OCLN: variants seen among roughly 807,000 people sequenced by gnomAD.
The protein encoded by OCLN is occludin.
In OCLN, 21 loss-of-function variants were observed where a neutral mutation model predicts 47.9. The observed-to-expected ratio is 0.44, with a 90% CI of 0.31 to 0.63. The LOEUF is 0.63. Ranked by LOEUF, OCLN falls within the 30% of genes least tolerant of loss-of-function variation. The pLI is 0.08. For missense variants in OCLN, 360 were observed against 571.0 expected, an observed-to-expected ratio of 0.63 and a Z score of 3.77; for synonymous variants, 117 against 198.4, an observed-to-expected ratio of 0.59 and a Z score of 3.45.
chr5:69,497,924 A>T (rs1392845935), intron 1 of OCLN, among the ~76,000 whole-genome samples: 2 of 151,936 alleles, frequency 1.3e-5, no homozygotes, highest in African/African-American at 4.8e-5. Context: ...CGAGGTCAGG[A>T]GATCGAGACC....
At position 69,493,767 on chromosome 5, in the gene OCLN, G is replaced by A. The variant is rs1768211892; in HGVS notation, c.-69+867G>A. On this transcript the variant is annotated intron_variant, in intron 1 of 8. Transcript: ENST00000396442. This position sits in a 1 kb window ranked among gnomAD's most constrained non-coding sequence, Gnocchi z 5.3. ...GTTTGGGGACCTCCGGGACTGGGCC[G>A]GCCCCGCGCGCCAGCCATGTTGCCT... Among the ~76,000 whole-genome samples, 1 of 152,176 alleles carries A rather than the reference G, an allele frequency of 6.6e-6. No homozygotes were observed.
intron 4 of OCLN, among the ~76,000 whole-genome samples, chr5:69,528,126 T>C (rs1769333218): frequency 6.6e-6 from 1 of 152,188 alleles, no homozygotes; most frequent in Admixed American, 6.5e-5. Context: ...AAGAGAACTT[T>C]CCAGTCGATT....
chr5:69,495,756 T>C (rs1234888537), intron 1 of OCLN, among the ~76,000 whole-genome samples: 1 of 151,716 alleles, frequency 6.6e-6, no homozygotes, highest in East Asian at 1.9e-4. Context: ...GGGAGTTTGC[T>C]CTGAAAAAAA....
intron 4 of OCLN, among the ~76,000 whole-genome samples, chr5:69,526,666 G>T (rs761624152): frequency 9.2e-5 from 14 of 151,686 alleles, no homozygotes; most frequent in Non-Finnish European, 1.3e-4. Flanking sequence ...AGCTGTGAAA[G>T]AAAAAAGTAG....
chr5:69,548,971 A>AT (rs1769782054), intron 7 of OCLN, among the ~76,000 whole-genome samples: 4 of 147,046 alleles, frequency 2.7e-5, no homozygotes, highest in African/African-American at 1.0e-4. Context: ...AAAAATTAAT[A>AT]ATAATAATAA....
chr5:69,533,665 CT>C (rs201460217), intron 4 of OCLN, among the ~76,000 whole-genome samples: 2 of 151,340 alleles, frequency 1.3e-5, no homozygotes, highest in Non-Finnish European at 3.0e-5. Context: ...GGCATAATTT[CT>C]TTTTTTTTGA....
At chr5:69,503,300 A>G (rs955572195) in intron 1 of OCLN, among the ~76,000 whole-genome samples, 3 of 152,166 alleles carry the variant, frequency 2.0e-5, no homozygotes, top group Non-Finnish European at 1.5e-5. Context: ...AGAATCACGA[A>G]CTGGCTCCCT....
At chr5:69,532,428 C>T (rs1011943847) in intron 4 of OCLN, among the ~76,000 whole-genome samples, 2 of 152,296 alleles carry the variant, frequency 1.3e-5, no homozygotes, top group Admixed American at 6.5e-5. Context: ...AAAGCTAGAG[C>T]GGTTCTACCC....
At chr5:69,504,919 C>T (rs1219364387) in intron 2 of OCLN, among the ~76,000 whole-genome samples, 1 of 151,506 alleles carries the variant, frequency 6.6e-6, no homozygotes, top group Non-Finnish European at 1.5e-5. Context: ...CACGCCACTG[C>T]ACTCCAGCCT....
chr5:69,501,456 C>G (rs527881787), intron 1 of OCLN, among the ~76,000 whole-genome samples: 2 of 152,074 alleles, frequency 1.3e-5, no homozygotes, highest in East Asian at 3.9e-4. Context: ...ATGGTGAAAC[C>G]TTATCTCTAC....
At chr5:69,520,419 G>A (rs543597100) in intron 4 of OCLN, among the ~76,000 whole-genome samples, 1 of 151,646 alleles carries the variant, frequency 6.6e-6, no homozygotes, top group African/African-American at 2.4e-5. Context: ...TCCTGCCTCA[G>A]CCTCCCAAGT....
At chr5:69,531,873 T>C (rs1769441044) in intron 4 of OCLN, among the ~76,000 whole-genome samples, 1 of 152,216 alleles carries the variant, frequency 6.6e-6, no homozygotes, top group African/African-American at 2.4e-5. Flanking sequence ...AAACTTAAGA[T>C]GTAAGGAATA....
At chr5:69,521,751 C>G (rs1580571259) in intron 4 of OCLN, among the ~76,000 whole-genome samples, 1 of 152,148 alleles carries the variant, frequency 6.6e-6, no homozygotes, top group Non-Finnish European at 1.5e-5. Flanking sequence ...TTTTTCTGTT[C>G]TGGTTATTAT....
At chr5:69,500,293 C>T (rs1316402566) in intron 1 of OCLN, among the ~76,000 whole-genome samples, 2 of 152,058 alleles carry the variant, frequency 1.3e-5, no homozygotes, top group Non-Finnish European at 2.9e-5. Flanking sequence ...CTCTGCATTC[C>T]CTGAAGAGGA....
Position 69,513,942 on chromosome 5 carries a change from T to G in OCLN, c.730-6T>G. 6.2e-7 allele frequency: 1 copy of G among 1,611,816 alleles called. No individual in the cohort carries two copies. Among genetic ancestry groups the G allele is most frequent in the South Asian group, 1.1e-5 (1 of 91,060 alleles). On this transcript the variant is annotated splice_region_variant and splice_polypyrimidine_tract_variant and intron_variant, in intron 3 of 8. Coordinates refer to ENST00000396442, the MANE Select transcript of OCLN (RefSeq NM_001205254.2). ...AATTATGCCAATATTTTCCACTCCT[T>G]TTTAGGCCATTGCCATTGTACTGGG...
At chr5:69,518,998 C>T (rs975353768) in intron 4 of OCLN, among the ~76,000 whole-genome samples, 4 of 152,048 alleles carry the variant, frequency 2.6e-5, no homozygotes, top group African/African-American at 9.7e-5. Flanking sequence ...ATTAGCCGGA[C>T]GTGGGCACAG....
chr5:69,513,924 C>G, intron 3 of OCLN, 24 bp from the exon 4 acceptor site: 1 of 1,595,850 alleles, frequency 6.3e-7, no homozygotes, highest in African/African-American at 1.3e-5. Flanking sequence ...TCTAATTATG[C>G]CAATATTTTC....
Position 69,509,335 on chromosome 5 carries a change from G to C in OCLN, c.245G>C (p.Cys82Ser). The C allele has an allele frequency of 6.2e-7, 1 of 1,614,194 alleles. No individual in the cohort carries two copies. Among genetic ancestry groups the C allele is most frequent in the Non-Finnish European group, 8.5e-7 (1 of 1,180,042 alleles). ...GTGATGTGCATTGCCATCTTTGCCT[G>C]TGTGGCCTCCACGCTTGCCTGGGAC... ...IIVMCIAIFA[C>S]VASTLAWDRG... The change falls in exon 3 of 9, where the codon TGT (cysteine) becomes TCT (serine). Residue 82 changes from cysteine (C) to serine (S), a missense_variant. By Grantham distance (112) the Cys-to-Ser change is moderately radical. Coordinates refer to ENST00000396442, the MANE Select transcript of OCLN (RefSeq NM_001205254.2).
At position 69,509,550 on chromosome 5, in the gene OCLN, G is replaced by T; in HGVS notation, c.460G>T (p.Val154Leu). The T allele has an allele frequency of 6.2e-7, 1 of 1,614,140 alleles. No homozygotes were observed. The highest frequency in any genetic ancestry group is 8.5e-7 in the Non-Finnish European group (1 of 1,180,020). The stretch of plus-strand genomic sequence containing the variant: ...TGCCTTTTGTTTCATTGCCGCGTTG[G>T]TGATCTTTGTTACCAGTGTTATAAG... ...MAAFCFIAAL[V>L]IFVTSVIRSE... Residue 154 changes from valine to leucine, a missense_variant, in exon 3 of 9, where the codon GTG becomes TTG. This residue lies in a region of OCLN where 314 missense variants were observed against 368.1 expected (regional missense o/e 0.85). Coordinates refer to ENST00000396442, the MANE Select transcript of OCLN (RefSeq NM_001205254.2).
Sources: gnomAD v4.1 joint callset for allele counts (sites outside exome capture counted in the v4.1 genomes callset) on GRCh38, gnomAD v4.1.1 for gene constraint, gnomAD v4.1.1 regional missense constraint, Gnocchi (gnomAD v3.1) non-coding constraint, MANE v1.5 for transcripts, NCBI Gene and HGNC (gene_info 2026-07-23, HGNC 2026-07-21) for gene names.